The following KIZ variants were observed in gnomAD, a reference collection of about 807,000 sequenced individuals.
KIZ encodes the protein kizuna centrosomal protein.
KIZ carries 68 observed loss-of-function variants against 79.6 expected under a neutral mutation model. The observed-to-expected ratio is 0.85, with a 90% CI of 0.70 to 1.05. KIZ has a LOEUF of 1.05. KIZ is among the 50% of genes least tolerant of loss of function. The pLI, the probability that KIZ is intolerant of heterozygous loss-of-function variation, is 0.00. For synonymous variants in KIZ, 280 were observed against 281.8 expected (o/e 0.99, Z 0.06); for missense variants, 797 against 800.4 (o/e 1.00, Z 0.05).
At chr20:21,165,610 G>A (rs1347203742) in intron 6 of KIZ, among the ~76,000 whole-genome samples, 1 of 152,218 alleles carries the variant, frequency 6.6e-6, no homozygotes, top group Non-Finnish European at 1.5e-5. Context: ...GTAGGCAGAA[G>A]TGTAGATGGC....
intron 3 of KIZ, chr20:21,144,313 A>G (rs1178215717): frequency 6.6e-6 from 1 of 152,152 alleles, no homozygotes; most frequent in African/African-American, 2.4e-5. Context: ...CTGTAATTAT[A>G]TGTTTATATT....
intron 6 of KIZ, chr20:21,195,357 A>T (rs1468430362): frequency 6.6e-6 from 1 of 152,220 alleles, no homozygotes; most frequent in African/African-American, 2.4e-5. Context: ...AGAATTTAAA[A>T]ACAATAACGA....
chr20:21,176,136 C>A lies in KIZ; in HGVS notation c.1352+12977C>A, dbSNP rs185857086. Among the ~76,000 whole-genome samples, 750 of 152,276 alleles carry A rather than the reference C, an allele frequency of 4.9e-3. 3 individuals are homozygous for A. Among genetic ancestry groups the A allele is most frequent in the Non-Finnish European group, 8.2e-3 (557 of 68,028 alleles). On this transcript the variant is annotated intron_variant, in intron 6 of 12. Transcript: ENST00000619189. ...ACCAGCCTGGCCAACAGTGCAAAAC[C>A]CTGTCTCTACTAAAAATACAAAAAT... is the stretch of plus-strand genomic sequence containing the variant.
chr20:21,225,926 A>G (rs1159504378), intron 9 of KIZ, among the ~76,000 whole-genome samples: 1 of 152,222 alleles, frequency 6.6e-6, no homozygotes, highest in Non-Finnish European at 1.5e-5. Context: ...CAGCTGATGC[A>G]TCCTCCCTGG....
intron 9 of KIZ, among the ~76,000 whole-genome samples, chr20:21,226,603 C>T (rs1368370959): frequency 1.3e-5 from 2 of 152,220 alleles, no homozygotes; most frequent in Non-Finnish European, 2.9e-5. Context: ...GCTAGGCGCT[C>T]TGCCCTCTCC....
In KIZ at chr20:21,215,647, A is replaced by G; in HGVS notation, c.1677A>G (p.Thr559=). ...ATGTGGCTGCAGATATCCCAATCAC[A>G]GGTAAAGCTATGGTTGCCTAAGAGT... ...KENVAADIPI[T]ETEAYQLLKK... is the part of the protein sequence containing the mutation. The change falls in exon 9 of 13, where the codon ACA becomes ACG. Residue 559 remains threonine (T), a splice_region_variant and synonymous_variant. Coordinates refer to ENST00000619189, the MANE Select transcript of KIZ (RefSeq NM_018474.6). The G allele has an allele frequency of 6.3e-7, 1 of 1,594,276 alleles. No homozygotes were observed. The highest frequency in any genetic ancestry group is 1.1e-5 in the South Asian group (1 of 89,290).
intron 6 of KIZ, among the ~76,000 whole-genome samples, chr20:21,171,213 T>G (rs1213225665): frequency 2.4e-4 from 36 of 152,228 alleles, no homozygotes; most frequent in Admixed American, 2.4e-3. Context: ...TATGCTTATC[T>G]GCCACCTGTG....
intron 7 of KIZ, among the ~76,000 whole-genome samples, chr20:21,209,992 A>T (rs1275019013): frequency 1.3e-5 from 2 of 152,160 alleles, no homozygotes; most frequent in African/African-American, 4.8e-5. Context: ...CCATTTTCCT[A>T]CTATTCTACT....
At chr20:21,164,111 G>A (rs2033822126) in intron 6 of KIZ, among the ~76,000 whole-genome samples, 1 of 152,142 alleles carries the variant, frequency 6.6e-6, no homozygotes, top group African/African-American at 2.4e-5. Context: ...CTGTTACACC[G>A]TAATGCTGGT....
At chr20:21,208,053 T>C (rs1199045730) in intron 7 of KIZ, among the ~76,000 whole-genome samples, 1 of 152,210 alleles carries the variant, frequency 6.6e-6, no homozygotes, top group Non-Finnish European at 1.5e-5. Context: ...GTTTGGGTTT[T>C]ATTGTCCCTT....
At chr20:21,205,402 T>C in intron 6 of KIZ, 89 bp from the exon 7 acceptor site, 1 of 567,076 alleles carries the variant, frequency 1.8e-6, no homozygotes, top group Non-Finnish European at 3.1e-6. Flanking sequence ...GGATAAACCA[T>C]CTTCTACTAA....
intron 6 of KIZ, chr20:21,195,257 A>G (rs1210721594): frequency 1.3e-5 from 2 of 152,284 alleles, no homozygotes; most frequent in African/African-American, 2.4e-5. Flanking sequence ...ACAATCAAGC[A>G]TTACTGAGCA....
chr20:21,238,519 A>C (rs1045474618), intron 11 of KIZ, among the ~76,000 whole-genome samples: 14 of 152,162 alleles, frequency 9.2e-5, no homozygotes, highest in Non-Finnish European at 1.8e-4. Context: ...ACACACTTGC[A>C]GAGAGCCTCA....
chr20:21,234,773 T>TA (rs537068910), intron 11 of KIZ, among the ~76,000 whole-genome samples: 3,429 of 97,184 alleles, frequency 0.035, 48 homozygotes, highest in African/African-American at 0.041. Context: ...CCACTGGACC[T>TA]AAAAAAAAAA....
intron 9 of KIZ, among the ~76,000 whole-genome samples, chr20:21,220,528 G>A (rs980257476): frequency 6.6e-6 from 1 of 152,062 alleles, no homozygotes; most frequent in Non-Finnish European, 1.5e-5. Flanking sequence ...CCATCACCCA[G>A]GCTGGAGTGC....
chr20:21,226,771 T>C (rs1395400541), intron 9 of KIZ, among the ~76,000 whole-genome samples: 1 of 152,234 alleles, frequency 6.6e-6, no homozygotes, highest in African/African-American at 2.4e-5. Flanking sequence ...GTCCTCAGCC[T>C]GATCTCGCCA....
intron 6 of KIZ, chr20:21,194,939 C>T (rs914854005): frequency 1.3e-5 from 2 of 152,136 alleles, no homozygotes; most frequent in Non-Finnish European, 2.9e-5. Flanking sequence ...GTTGTATGCT[C>T]AGCATTGTGC....
chr20:21,204,565 C>A (rs1218481140), intron 6 of KIZ, among the ~76,000 whole-genome samples: 1 of 151,728 alleles, frequency 6.6e-6, no homozygotes, highest in African/African-American at 2.4e-5. Context: ...TTAAATTGTC[C>A]CATCTTTGAC....
rs1236466845 is a variant in KIZ at position 21,162,486 on chromosome 20, TCTC to T, written c.1024_1026del (p.Pro342del). 2 of 1,612,716 alleles carry T rather than the reference TCTC, an allele frequency of 1.2e-6. No homozygotes were observed. Among genetic ancestry groups the T allele is most frequent in the Admixed American group, 1.7e-5 (1 of 59,892 alleles). ...AAATAAGTGGTCTCAAGAGAAGCATTCTCCTTGGGAAGGTGTTTCAGGTGGGAT... is the reference window on the plus strand; with the variant it reads ...AAATAAGTGGTCTCAAGAGAAGCATTCTTGGGAAGGTGTTTCAGGTGGGAT... On this transcript the variant is annotated inframe_deletion, in exon 5 of 13. Transcript: ENST00000619189.
Sources: gnomAD v4.1 joint callset for allele counts (sites outside exome capture counted in the v4.1 genomes callset) on GRCh38, gnomAD v4.1.1 for gene constraint, MANE v1.5 for transcripts, NCBI Gene and HGNC (gene_info 2026-07-23, HGNC 2026-07-21) for gene names.